The following CEP41 variants were observed in gnomAD, a reference collection of about 807,000 sequenced individuals.
CEP41 encodes centrosomal protein of 41 kDa.
In CEP41, 32 loss-of-function variants were observed where a neutral mutation model predicts 44.3. The observed-to-expected ratio is 0.72, with a 90% CI of 0.54 to 0.97. The LOEUF (loss-of-function observed/expected upper bound fraction) is 0.97, where lower values mean the gene tolerates loss of function less well. CEP41 is among the 50% of genes least tolerant of loss of function. The probability of loss-of-function intolerance (pLI) is 0.00; values close to 1 mark genes in which losing one functional copy is unlikely to be tolerated. For synonymous variants in CEP41, 151 were observed against 168.5 expected, an observed-to-expected ratio of 0.90 and a Z score of 0.80; for missense variants, 432 against 455.2, an observed-to-expected ratio of 0.95 and a Z score of 0.46.
At chr7:130,399,227 G>T in intron 10 of CEP41, 188 bp from the exon 11 acceptor site, 1 of 682,330 alleles carries the variant, frequency 1.5e-6, no homozygotes, top group Non-Finnish European at 2.5e-6. Context: ...AAGGTGGGGA[G>T]GGGGACAGAA....
chr7:130,410,997 A>T lies in CEP41; in HGVS notation c.277+125T>A, dbSNP rs138549731. 2.4e-4 allele frequency: 207 copies of T among 859,924 alleles called. 2 individuals carry two copies. The East Asian group carries it at 3.2e-3, about 13-fold the overall frequency. The allele number at this position is 859,924 out of a possible 1,614,324, so 53.3% of individuals were successfully genotyped here. On this transcript the variant is annotated intron_variant, in intron 5 of 10. Coordinates refer to ENST00000223208, the MANE Select transcript of CEP41 (RefSeq NM_018718.3). ...CAGGTAGCATTTCCCTGAGAGTAAC[A>T]ATCTAATTACAAATAGATACATCAA...
chr7:130,401,960 A>G lies in CEP41; in HGVS notation c.575-12T>C, dbSNP rs186638258. The G allele has an allele frequency of 2.9e-4, 470 of 1,598,562 alleles. 13 individuals carry two copies. In the Admixed American group the frequency reaches 7.7e-3, roughly 26 times the overall value. On this transcript the variant is annotated splice_polypyrimidine_tract_variant and intron_variant, in intron 7 of 10. Transcript: ENST00000223208. ...TGGGTAACTGTAAGCTGCAAAGAGA[A>G]GAAAAAGTTTAGGAAGTCTGTTGTT...
rs545406161 is a variant in CEP41 at position 130,400,786 on chromosome 7, G to A, written c.678C>T (p.Asp226=). 2.3e-5 allele frequency: 37 copies of A among 1,612,854 alleles called. No homozygotes were observed. The South Asian group carries it at 2.3e-4, about 10-fold the overall frequency. Residue 226 remains aspartate, a synonymous_variant, in exon 9 of 11, where the codon GAC becomes GAT. Transcript: ENST00000223208. The part of the protein sequence containing the change: ...NAHGKIIILY[D]DDERLASQAA... ...CCTGACTGGCCAGCCTTTCATCATC[G>A]TCATACAGAATGATGATCTTGCCAT...
chr7:130,431,001 G>A (rs1212569725), intron 1 of CEP41, among the ~76,000 whole-genome samples: 6 of 152,114 alleles, frequency 3.9e-5, no homozygotes, highest in Admixed American at 2.0e-4. Context: ...TCCCGCCCCC[G>A]GTTTTTCCTT....
intron 2 of CEP41, among the ~76,000 whole-genome samples, chr7:130,418,365 A>G (rs1431261958): frequency 6.6e-6 from 1 of 152,228 alleles, no homozygotes; most frequent in Non-Finnish European, 1.5e-5. Context: ...AGCAGAAGCC[A>G]CAATTTCTTC....
At chr7:130,404,400 G>A (rs912791589) in intron 6 of CEP41, among the ~76,000 whole-genome samples, 164 bp downstream of exon 6, 1 of 152,022 alleles carries the variant, frequency 6.6e-6, no homozygotes, top group Non-Finnish European at 1.5e-5. Context: ...AGATTCAGGA[G>A]GTAGCATTTA....
In CEP41 at chr7:130,394,067, TCGG is replaced by T. The variant is rs1554413471; in HGVS notation, c.*4821_*4823del. 1 of 453,964 alleles carries T rather than the reference TCGG, an allele frequency of 2.2e-6. No individual in the cohort carries two copies. Among genetic ancestry groups the T allele is most frequent in the Non-Finnish European group, 4.4e-6 (1 of 226,776 alleles). 28.1% of individuals were successfully genotyped at this position (453,964 alleles called of 1,614,324 possible). ...GCGGAGGAAAGTTTTCAAAAGAATC[TCGG>T]CTGACTAGGAGGGAAGGGAAGCCAA... is the stretch of plus-strand genomic sequence containing the variant. On this transcript the variant is annotated 3_prime_UTR_variant, in exon 11 of 11. Coordinates refer to ENST00000223208, the MANE Select transcript of CEP41 (RefSeq NM_018718.3).
At chr7:130,440,782 G>GCCCCCCCCCCCCCCTCCTCCCCCCC in intron 1 of CEP41, 152 bp downstream of exon 1, 1 of 531,118 alleles carries the variant, frequency 1.9e-6, no homozygotes, top group South Asian at 1.7e-5. Flanking sequence ...CCCAAGCCCG[G>GCCCCCCCCCCCCCCTCCTCCCCCCC]CCCGCCCCGC....
chr7:130,420,318 G>A (rs575083246), intron 2 of CEP41: 1 of 103,418 alleles, frequency 9.7e-6, no homozygotes, highest in East Asian at 3.2e-4. Context: ...GACAGAGTGA[G>A]ACTCTATCTC....
At chr7:130,415,231 T>C (rs1554420614) in intron 3 of CEP41, among the ~76,000 whole-genome samples, 10 of 152,216 alleles carry the variant, frequency 6.6e-5, no homozygotes. Context: ...GGTTTGTGGT[T>C]TCACAGAAAG....
At chr7:130,419,805 T>C (rs1554421726) in intron 2 of CEP41, 1 of 985,362 alleles carries the variant, frequency 1.0e-6, no homozygotes, top group Non-Finnish European at 1.2e-6. Flanking sequence ...CCTTGCCACA[T>C]ACTCGTAAGA....
At chr7:130,404,331 A>G (rs1796942788) in intron 6 of CEP41, among the ~76,000 whole-genome samples, 4 of 152,218 alleles carry the variant, frequency 2.6e-5, no homozygotes, top group Admixed American at 1.3e-4. Context: ...ACGAGAAATG[A>G]AAATTAAACT....
At chr7:130,407,596 G>A (rs1797054065) in intron 5 of CEP41, among the ~76,000 whole-genome samples, 1 of 152,084 alleles carries the variant, frequency 6.6e-6, no homozygotes, top group South Asian at 2.1e-4. Context: ...AGTGGGTAAA[G>A]GGAGAACTAC....
chr7:130,411,013 G>A, intron 5 of CEP41, 109 bp downstream of exon 5: 1 of 911,486 alleles, frequency 1.1e-6, no homozygotes, highest in Admixed American at 1.7e-5. Context: ...ATTACAAATA[G>A]ATACATCAAA....
intron 4 of CEP41, 137 bp downstream of exon 4, chr7:130,412,042 A>T: frequency 1.4e-6 from 1 of 735,542 alleles, no homozygotes; most frequent in Non-Finnish European, 2.5e-6. Flanking sequence ...ATACCAATTA[A>T]TCTTCCCATA....
intron 1 of CEP41, among the ~76,000 whole-genome samples, chr7:130,439,399 T>A (rs1192291497): frequency 6.6e-6 from 1 of 151,980 alleles, no homozygotes; most frequent in Non-Finnish European, 1.5e-5. Context: ...GATTTTCTAC[T>A]GGGGGTTATG....
chr7:130,408,123 A>G (rs1484219074), intron 5 of CEP41, among the ~76,000 whole-genome samples: 1 of 152,150 alleles, frequency 6.6e-6, no homozygotes, highest in East Asian at 1.9e-4. Flanking sequence ...CAGTATATTA[A>G]ACACTTTCAC....
At chr7:130,409,081 G>A (rs1391644824) in intron 5 of CEP41, among the ~76,000 whole-genome samples, 3 of 152,078 alleles carry the variant, frequency 2.0e-5, no homozygotes, top group Non-Finnish European at 4.4e-5. Flanking sequence ...TACTTTTTAC[G>A]GTTTCCTAAC....
intron 2 of CEP41, among the ~76,000 whole-genome samples, chr7:130,425,412 C>T (rs1797632459): frequency 6.6e-6 from 1 of 152,060 alleles, no homozygotes; most frequent in African/African-American, 2.4e-5. Context: ...GACTCTGTCT[C>T]AAAAAACAAA....
Sources: allele counts gnomAD v4.1 joint callset (sites outside exome capture counted in the v4.1 genomes callset), GRCh38; gene constraint gnomAD v4.1.1; transcripts MANE v1.5; gene names NCBI Gene and HGNC (gene_info 2026-07-23, HGNC 2026-07-21).